The following RGS17 variants were observed in gnomAD, a reference collection of about 807,000 sequenced individuals.
RGS17 encodes regulator of G protein signaling 17.
In RGS17, 12 loss-of-function variants were observed where a neutral mutation model predicts 25.5. That is an observed-to-expected ratio of 0.47 (90% confidence interval 0.30 to 0.76). The LOEUF is 0.76. RGS17 is among the 30% of genes least tolerant of loss of function. The pLI is 0.07. For missense variants in RGS17, 196 were observed against 242.2 expected (o/e 0.81, Z 1.27); for synonymous variants, 71 against 76.9 (o/e 0.92, Z 0.40).
intron 1 of RGS17, among the ~76,000 whole-genome samples, chr6:153,126,347 C>T (rs1408367035): frequency 2.0e-5 from 3 of 152,240 alleles, no homozygotes; most frequent in East Asian, 1.9e-4. Context: ...TTACTGATTC[C>T]GGACTTCTAA....
At position 153,007,557 on chromosome 6, in the gene RGS17, G is replaced by T. The variant is rs567802103; in HGVS notation, c.*4017C>A. The T allele has an allele frequency of 6.0e-4, 91 of 151,790 alleles. 1 individual carries two copies. Among genetic ancestry groups the T allele is most frequent in the African/African-American group, 2.0e-3 (82 of 41,420 alleles). 9.4% of individuals were successfully genotyped at this position (151,790 alleles called of 1,614,324 possible). A position where few individuals can be genotyped will look rare whatever the true frequency, so the allele number is the denominator to read the frequency against. On this transcript the variant is annotated 3_prime_UTR_variant, in exon 5 of 5. Coordinates refer to ENST00000206262, the MANE Select transcript of RGS17 (RefSeq NM_012419.5). ...ATGTTTGATAGGCTTCTATCTATAGGCATTTTCTGTCTAAGACTTAAAAAT... is the reference window on the plus strand; with the variant it reads ...ATGTTTGATAGGCTTCTATCTATAGTCATTTTCTGTCTAAGACTTAAAAAT...
At chr6:153,125,724 A>G (rs1358150175) in intron 1 of RGS17, among the ~76,000 whole-genome samples, 1 of 152,140 alleles carries the variant, frequency 6.6e-6, no homozygotes, top group Non-Finnish European at 1.5e-5. Flanking sequence ...GTCGTGGTAC[A>G]CACCTGTAGT....
chr6:153,085,613 A>T (rs920707643), intron 1 of RGS17, among the ~76,000 whole-genome samples: 1 of 152,246 alleles, frequency 6.6e-6, no homozygotes, highest in Non-Finnish European at 1.5e-5. Flanking sequence ...TCAGTCACAT[A>T]CCAGGATTAG....
At chr6:153,082,766 T>C (rs1777003059) in intron 1 of RGS17, among the ~76,000 whole-genome samples, 1 of 152,186 alleles carries the variant, frequency 6.6e-6, no homozygotes, top group African/African-American at 2.4e-5. Flanking sequence ...TTTTACATCA[T>C]TAGATACAAA....
intron 1 of RGS17, among the ~76,000 whole-genome samples, chr6:153,128,989 A>G (rs1397550507): frequency 6.6e-6 from 1 of 152,202 alleles, no homozygotes; most frequent in African/African-American, 2.4e-5. Flanking sequence ...ACCTTATGTT[A>G]TTTGTTCTGT....
intron 1 of RGS17, among the ~76,000 whole-genome samples, chr6:153,070,861 T>C (rs1776786397): frequency 6.7e-6 from 1 of 150,120 alleles, no homozygotes. Flanking sequence ...AATACATATA[T>C]AACATGCATA....
chr6:153,038,845 C>G (rs986482728), intron 2 of RGS17, among the ~76,000 whole-genome samples: 2 of 152,076 alleles, frequency 1.3e-5, no homozygotes, highest in Non-Finnish European at 2.9e-5. Flanking sequence ...TTACAGAGGC[C>G]ATGGTACTTG....
chr6:153,127,327 C>T (rs573570768), intron 1 of RGS17, among the ~76,000 whole-genome samples: 3 of 152,272 alleles, frequency 2.0e-5, no homozygotes, highest in South Asian at 2.1e-4. Flanking sequence ...AACAATGGTA[C>T]GTTTATATAA....
At chr6:153,107,333 T>C (rs1354676503) in intron 1 of RGS17, among the ~76,000 whole-genome samples, 1 of 152,058 alleles carries the variant, frequency 6.6e-6, no homozygotes, top group East Asian at 1.9e-4. Flanking sequence ...AAATTTTGTC[T>C]CAAAAGAAAA....
chr6:153,091,529 C>G (rs1562331575), intron 1 of RGS17, among the ~76,000 whole-genome samples: 1 of 150,638 alleles, frequency 6.6e-6, no homozygotes, highest in African/African-American at 2.5e-5. Flanking sequence ...CTGGAGTACA[C>G]AGGCTCTGTC....
chr6:153,037,381 C>T (rs1342346905), intron 2 of RGS17, among the ~76,000 whole-genome samples: 1 of 152,038 alleles, frequency 6.6e-6, no homozygotes, highest in Non-Finnish European at 1.5e-5. Flanking sequence ...AAATGTTAAA[C>T]ACCTACTAAT....
intron 1 of RGS17, among the ~76,000 whole-genome samples, chr6:153,098,198 A>G (rs534725929): frequency 9.9e-5 from 15 of 152,270 alleles, no homozygotes; most frequent in African/African-American, 3.6e-4. Context: ...GGAATAAAAG[A>G]GGGAAATATA....
rs1374442038 is a variant in RGS17, at chr6:153,006,586, A to G, written c.*4988T>C. On this transcript the variant is annotated 3_prime_UTR_variant, in exon 5 of 5. Transcript: ENST00000206262. ...TCTTAAAACATGATTGTATGTTTTG[A>G]TGAGTAGCTAAATCAGATGTTTAAC... 1 of 152,636 alleles carries G rather than the reference A, an allele frequency of 6.6e-6. No homozygotes were observed. The highest frequency in any genetic ancestry group is 1.5e-5 in the Non-Finnish European group (1 of 68,038). The allele number at this position is 152,636 out of a possible 1,614,324, so 9.5% of individuals were successfully genotyped here.
At chr6:153,087,384 G>A (rs1777065451) in intron 1 of RGS17, among the ~76,000 whole-genome samples, 2 of 152,192 alleles carry the variant, frequency 1.3e-5, no homozygotes, top group Admixed American at 1.3e-4. Context: ...AATGCTTAAT[G>A]TTTGACTATC....
Position 153,064,715 on chromosome 6 carries a change from TGTTAA to T in RGS17, c.-25-20677_-25-20673del, listed in dbSNP as rs368667479. On this transcript the variant is annotated intron_variant, in intron 1 of 4. Coordinates refer to ENST00000206262, the MANE Select transcript of RGS17 (RefSeq NM_012419.5). ...CTTCTTTATTTGTTTATGCAAACAG[TGTTAA>T]GTTGTTATCAGTTTAAAATTAAGGA... 1.5e-3 allele frequency among the ~76,000 whole-genome samples: 235 copies of T among 152,132 alleles called. 1 individual carries two copies. Among genetic ancestry groups the T allele is most frequent in the African/African-American group, 5.5e-3 (229 of 41,524 alleles).
chr6:153,089,152 T>A (rs151144256), intron 1 of RGS17, among the ~76,000 whole-genome samples: 6 of 148,928 alleles, frequency 4.0e-5, no homozygotes, highest in Non-Finnish European at 5.9e-5. Flanking sequence ...ATGGTACACT[T>A]TTTTTTTTCT....
intron 1 of RGS17, among the ~76,000 whole-genome samples, chr6:153,122,016 T>A (rs1777639228): frequency 6.6e-6 from 1 of 152,222 alleles, no homozygotes; most frequent in Non-Finnish European, 1.5e-5. Context: ...TGGAAGTGGT[T>A]ACATAATATA....
intron 2 of RGS17, among the ~76,000 whole-genome samples, chr6:153,027,567 A>G (rs1211544931): frequency 2.6e-5 from 4 of 152,152 alleles, no homozygotes; most frequent in Non-Finnish European, 5.9e-5. Flanking sequence ...CTTACTCAAA[A>G]TAAGAAGCAA....
At chr6:153,088,576 T>C (rs1376244019) in intron 1 of RGS17, among the ~76,000 whole-genome samples, 2 of 152,344 alleles carry the variant, frequency 1.3e-5, no homozygotes, top group East Asian at 1.9e-4. Context: ...TTGGATCTTA[T>C]AAACTGAGGA....
Sources: allele counts gnomAD v4.1 joint callset (sites outside exome capture counted in the v4.1 genomes callset), GRCh38; gene constraint gnomAD v4.1.1; transcripts MANE v1.5; gene names NCBI Gene and HGNC (gene_info 2026-07-23, HGNC 2026-07-21).